The following EFCAB11 variants were observed in gnomAD, a reference collection of about 807,000 sequenced individuals.
EFCAB11 encodes the protein EF-hand calcium-binding domain-containing protein 11.
Under a neutral mutation model 23.0 loss-of-function variants are expected in EFCAB11, and 14 were observed. The ratio of observed to expected loss-of-function variants is 0.61; its 90% CI spans 0.40 to 0.95. The LOEUF (loss-of-function observed/expected upper bound fraction) is 0.95, where lower values mean the gene tolerates loss of function less well. EFCAB11 is among the 40% of genes least tolerant of loss of function. The probability of loss-of-function intolerance (pLI) is 0.00; values close to 1 mark genes in which losing one functional copy is unlikely to be tolerated. For missense variants in EFCAB11, 198 were observed against 195.8 expected, an observed-to-expected ratio of 1.01 and a Z score of -0.07; for synonymous variants, 65 against 66.6, an observed-to-expected ratio of 0.98 and a Z score of 0.11.
At chr14:89,911,422 A>G (rs150119204) in intron 5 of EFCAB11, among the ~76,000 whole-genome samples, 36 of 152,304 alleles carry the variant, frequency 2.4e-4, no homozygotes, top group Non-Finnish European at 4.7e-4. Flanking sequence ...ATTTCAGACT[A>G]CGCAGACAAA....
intron 3 of EFCAB11, among the ~76,000 whole-genome samples, chr14:89,949,557 T>C (rs536386361): frequency 1.3e-5 from 2 of 151,586 alleles, no homozygotes; most frequent in Admixed American, 1.3e-4. Flanking sequence ...GTAGAGACGG[T>C]GTTTCATCAT....
intron 5 of EFCAB11, 106 bp from the exon 6 acceptor site, chr14:89,797,430 AC>A: frequency 1.0e-6 from 1 of 988,054 alleles, no homozygotes; most frequent in South Asian, 1.6e-5. Context: ...TGAGAGAGGA[AC>A]CTATTTTATC....
chr14:89,951,895 A>G (rs984481038), intron 2 of EFCAB11, among the ~76,000 whole-genome samples: 45 of 152,338 alleles, frequency 3.0e-4, no homozygotes, highest in African/African-American at 1.1e-3. Context: ...ACTACACTCT[A>G]GCCTGGGTGA....
At chr14:89,935,787 T>A (rs1367537961) in intron 3 of EFCAB11, among the ~76,000 whole-genome samples, 1 of 152,128 alleles carries the variant, frequency 6.6e-6, no homozygotes, top group Non-Finnish European at 1.5e-5. Flanking sequence ...GGCAGGCAGA[T>A]CACCTGAGGT....
At chr14:89,818,684 A>G (rs1037089873) in intron 5 of EFCAB11, among the ~76,000 whole-genome samples, 1 of 152,248 alleles carries the variant, frequency 6.6e-6, no homozygotes, top group Non-Finnish European at 1.5e-5. Context: ...AAAACTCAAT[A>G]ATAAAGCAAA....
intron 5 of EFCAB11, among the ~76,000 whole-genome samples, chr14:89,840,443 A>G (rs1024166165): frequency 6.6e-6 from 1 of 152,216 alleles, no homozygotes; most frequent in Non-Finnish European, 1.5e-5. Context: ...TTGCCTTATC[A>G]TTTCCTCTGA....
intron 1 of EFCAB11, chr14:89,954,246 T>G: frequency 1.6e-6 from 2 of 1,234,802 alleles, no homozygotes. Context: ...GCAAATTAAT[T>G]CATTTAGGCC....
Position 89,920,671 on chromosome 14 carries a change from A to G in EFCAB11, c.410+10870T>C, listed in dbSNP as rs1200938029. ...AAACACTTAGTAAATATTAGTTGCCAGTGGTGTTGCGGTTGCTACCATTAA... is the reference window on the plus strand; with the variant it reads ...AAACACTTAGTAAATATTAGTTGCCGGTGGTGTTGCGGTTGCTACCATTAA... On this transcript the variant is annotated intron_variant, in intron 5 of 5. Transcript: ENST00000316738. Among the ~76,000 whole-genome samples the G allele has an allele frequency of 2.6e-5, 4 of 152,234 alleles. No homozygotes were observed. In the East Asian group the frequency reaches 7.7e-4, roughly 29 times the overall value.
At chr14:89,845,545 G>A (rs1010682878) in intron 5 of EFCAB11, among the ~76,000 whole-genome samples, 5 of 152,150 alleles carry the variant, frequency 3.3e-5, no homozygotes, top group Non-Finnish European at 7.3e-5. Flanking sequence ...GTGTCTATGT[G>A]AAACAACCCT....
chr14:89,837,000 C>G (rs757007726), intron 5 of EFCAB11: 1 of 455,046 alleles, frequency 2.2e-6, no homozygotes, highest in Admixed American at 2.4e-5. Flanking sequence ...CCAGCCTGGG[C>G]GACAGAGCGA....
intron 5 of EFCAB11, among the ~76,000 whole-genome samples, chr14:89,864,205 C>T (rs1372166126): frequency 1.3e-5 from 2 of 152,188 alleles, no homozygotes; most frequent in Non-Finnish European, 2.9e-5. Context: ...CCCTTTAACA[C>T]AGGAGTATGT....
At position 89,889,601 on chromosome 14, in the gene EFCAB11, C is replaced by T. The variant is rs1007542060; in HGVS notation, c.410+41940G>A. On this transcript the variant is annotated intron_variant, in intron 5 of 5. Transcript: ENST00000316738. ...TGGATTTCAGGAAGGTTCCTACCAC[C>T]ATTAACTGGTAAGAGTTGATCACTG... Among the ~76,000 whole-genome samples the T allele has an allele frequency of 2.0e-5, 3 of 152,372 alleles. No homozygotes were observed. The Middle Eastern group carries it at 0.01, about 518-fold the overall frequency.
chr14:89,908,279 C>T (rs1478847815), intron 5 of EFCAB11, among the ~76,000 whole-genome samples: 7 of 152,316 alleles, frequency 4.6e-5, no homozygotes, highest in Admixed American at 3.3e-4. Flanking sequence ...GGCATTCGCT[C>T]GCTTAATCCT....
chr14:89,883,633 A>G (rs895115204), intron 5 of EFCAB11, among the ~76,000 whole-genome samples: 3 of 152,178 alleles, frequency 2.0e-5, no homozygotes, highest in Non-Finnish European at 4.4e-5. Context: ...CTTAAAAAAA[A>G]TATTTTCTGT....
At chr14:89,858,656 A>ATT (rs10648464) in intron 5 of EFCAB11, among the ~76,000 whole-genome samples, 5,358 of 88,968 alleles carry the variant, frequency 0.06, 369 homozygotes, top group Non-Finnish European at 0.077. Context: ...CACCCAGCTA[A>ATT]TTTTTTTTTT....
chr14:89,817,390 A>C (rs1370778831), intron 5 of EFCAB11, among the ~76,000 whole-genome samples: 1 of 152,120 alleles, frequency 6.6e-6, no homozygotes, highest in African/African-American at 2.4e-5. Context: ...TTAGCTAGGC[A>C]TGTACCTGTA....
intron 5 of EFCAB11, among the ~76,000 whole-genome samples, chr14:89,913,310 G>A (rs1036620518): frequency 1.3e-5 from 2 of 152,212 alleles, no homozygotes; most frequent in African/African-American, 4.8e-5. Flanking sequence ...AGTTTATTGA[G>A]ATGGGACAAG....
At chr14:89,933,121 G>A (rs1183277490) in intron 3 of EFCAB11, among the ~76,000 whole-genome samples, 1 of 152,152 alleles carries the variant, frequency 6.6e-6, no homozygotes, top group Admixed American at 6.5e-5. Flanking sequence ...AGATAAAGGT[G>A]GGGAGAATAT....
At chr14:89,902,013 C>T (rs1433355347) in intron 5 of EFCAB11, among the ~76,000 whole-genome samples, 1 of 126,768 alleles carries the variant, frequency 7.9e-6, no homozygotes, top group Non-Finnish European at 1.5e-5. Context: ...ATAAGGGCTA[C>T]TCACCGTCAT....
Sources: gnomAD v4.1 joint callset for allele counts (sites outside exome capture counted in the v4.1 genomes callset) on GRCh38, gnomAD v4.1.1 for gene constraint, MANE v1.5 for transcripts, NCBI Gene and HGNC (gene_info 2026-07-23, HGNC 2026-07-21) for gene names.